The following ADAM12 variants were observed in gnomAD, a reference collection of about 807,000 sequenced individuals.
ADAM12 encodes disintegrin and metalloproteinase domain-containing protein 12.
In ADAM12, 70 loss-of-function variants were observed where a neutral mutation model predicts 106.4. That is an observed-to-expected ratio of 0.66 (90% CI 0.54 to 0.80). The LOEUF (loss-of-function observed/expected upper bound fraction) is 0.80. Among genes scored for constraint, ADAM12 ranks in the 30% least tolerant of loss-of-function variants. The pLI is 0.00. For missense variants in ADAM12, 1,010 were observed against 1,171.9 expected, an observed-to-expected ratio of 0.86 and a Z score of 2.02; for synonymous variants, 420 against 433.5, an observed-to-expected ratio of 0.97 and a Z score of 0.39.
At chr10:126,225,588 A>G (rs563676991) in intron 3 of ADAM12, among the ~76,000 whole-genome samples, 1 of 152,242 alleles carries the variant, frequency 6.6e-6, no homozygotes, top group Non-Finnish European at 1.5e-5. Flanking sequence ...CACACGTGGG[A>G]GTGGAAAGTG....
chr10:126,164,866 C>A (rs1590540398), intron 3 of ADAM12, among the ~76,000 whole-genome samples: 1 of 152,098 alleles, frequency 6.6e-6, no homozygotes, highest in East Asian at 1.9e-4. Context: ...CTCTGTAAAA[C>A]CAGTATACTG....
chr10:126,049,711 A>AT lies in ADAM12; in HGVS notation c.1610-43dup, dbSNP rs11406158. 0.045 allele frequency: 56,139 copies of AT among 1,239,242 alleles called. 1,196 individuals carry two copies. Among genetic ancestry groups the AT allele is most frequent in the African/African-American group, 0.23 (15,487 of 67,368 alleles). The allele number at this position is 1,239,242 out of a possible 1,614,324, so 76.8% of individuals were successfully genotyped here. On this transcript the variant is annotated intron_variant, in intron 14 of 22. Transcript: ENST00000448723. This position sits in a 1 kb window ranked among gnomAD's most constrained non-coding sequence, Gnocchi z 4.4. ...ACTGCATTTTCATCTCCTGCAGGTGATTTTTTTTTTTTCATGGCTGTAGGC... is the reference window on the plus strand; with the variant it reads ...ACTGCATTTTCATCTCCTGCAGGTGATTTTTTTTTTTTTCATGGCTGTAGGC...
chr10:126,107,984 G>C (rs1955805178), intron 8 of ADAM12, among the ~76,000 whole-genome samples: 1 of 152,196 alleles, frequency 6.6e-6, no homozygotes, highest in Non-Finnish European at 1.5e-5. Flanking sequence ...TAGTGAACAA[G>C]TACCCCAGGA....
At chr10:126,249,614 G>A (rs1190577224) in intron 3 of ADAM12, among the ~76,000 whole-genome samples, 1 of 152,200 alleles carries the variant, frequency 6.6e-6, no homozygotes, top group Non-Finnish European at 1.5e-5. Flanking sequence ...TGAGGCAGGA[G>A]AATGGCGTCA....
chr10:126,338,855 C>G (rs990269342), intron 1 of ADAM12, among the ~76,000 whole-genome samples: 1 of 152,148 alleles, frequency 6.6e-6, no homozygotes, highest in Admixed American at 6.5e-5. Flanking sequence ...AGCAAAACAA[C>G]AAGAATGGAA....
rs1289184088 is a variant in ADAM12 at position 126,019,860 on chromosome 10, C to T, written c.2530-35G>A. 1.9e-6 allele frequency: 3 copies of T among 1,578,032 alleles called. No individual in the cohort carries two copies. The African/African-American group carries it at 4.0e-5, about 21-fold the overall frequency. ...ACATAGGGTTAGGCAGGGTCACTTA[C>T]CAGGAGCCAGCAGAGGCCCCTGAGA... On this transcript the variant is annotated intron_variant, in intron 21 of 22. Coordinates refer to ENST00000448723, the MANE Select transcript of ADAM12 (RefSeq NM_001288973.2).
At chr10:126,132,526 C>G (rs964733021) in intron 5 of ADAM12, among the ~76,000 whole-genome samples, 2 of 42,258 alleles carry the variant, frequency 4.7e-5, no homozygotes, top group East Asian at 1.2e-3. Context: ...GCATGAACAC[C>G]CCCCCCCCCT....
intron 14 of ADAM12, among the ~76,000 whole-genome samples, chr10:126,056,532 A>C (rs1467067427): frequency 6.6e-6 from 1 of 152,162 alleles, no homozygotes; most frequent in African/African-American, 2.4e-5. Flanking sequence ...CAGTCCTCTG[A>C]AACTGCTGCT....
chr10:126,208,525 C>T (rs540545892), intron 3 of ADAM12, among the ~76,000 whole-genome samples: 81 of 152,254 alleles, frequency 5.3e-4, no homozygotes, highest in African/African-American at 1.9e-3. Flanking sequence ...GCACACCACA[C>T]ATAGATTTCT....
intron 19 of ADAM12, among the ~76,000 whole-genome samples, chr10:126,038,894 C>T (rs1954105246): frequency 6.7e-6 from 1 of 149,390 alleles, no homozygotes; most frequent in South Asian, 2.1e-4. Context: ...AAAATCTGAC[C>T]TTTGCTAAAA....
intron 3 of ADAM12, among the ~76,000 whole-genome samples, chr10:126,178,933 G>C (rs1270539465): frequency 6.6e-6 from 1 of 152,086 alleles, no homozygotes; most frequent in African/African-American, 2.4e-5. Context: ...TATAACCCCA[G>C]CTACTCGAGA....
At chr10:126,131,500 G>A (rs1157577419) in intron 5 of ADAM12, among the ~76,000 whole-genome samples, 1 of 152,158 alleles carries the variant, frequency 6.6e-6, no homozygotes, top group Non-Finnish European at 1.5e-5. Flanking sequence ...CCCATGTGAT[G>A]GTATCGGGAG....
intron 2 of ADAM12, among the ~76,000 whole-genome samples, chr10:126,294,668 G>A (rs1012110507): frequency 1.3e-5 from 2 of 152,112 alleles, no homozygotes; most frequent in Admixed American, 6.5e-5. Context: ...AGTCAAGACA[G>A]CTAACAGACG....
intron 5 of ADAM12, among the ~76,000 whole-genome samples, chr10:126,126,068 T>C (rs981351551): frequency 3.3e-5 from 5 of 152,312 alleles, no homozygotes; most frequent in African/African-American, 1.2e-4. Context: ...TTCTGTTGTT[T>C]GAAGCCACCT....
At chr10:126,134,448 G>A (rs904457869) in intron 5 of ADAM12, among the ~76,000 whole-genome samples, 4 of 152,170 alleles carry the variant, frequency 2.6e-5, no homozygotes, top group African/African-American at 7.2e-5. Flanking sequence ...GCTGGGAGGG[G>A]AATTCCCAGC....
In ADAM12 at chr10:126,043,411, C is replaced by A. The variant is rs1471787407; in HGVS notation, c.1996-263G>T. Among the ~76,000 whole-genome samples the A allele has an allele frequency of 1.3e-5, 2 of 152,148 alleles. No individual in the cohort carries two copies. The highest frequency in any genetic ancestry group is 6.5e-5 in the Admixed American group (1 of 15,284). ...ATTATTTGGGTTCATCAGCTTGCCT[C>A]CCCCACCCACCTCACTTCCTTCTCC... On this transcript the variant is annotated intron_variant, in intron 17 of 22. Transcript: ENST00000448723. This position sits in a 1 kb window ranked among gnomAD's most constrained non-coding sequence, Gnocchi z 4.1.
chr10:126,163,343 G>C (rs1956969661), intron 3 of ADAM12, among the ~76,000 whole-genome samples: 1 of 152,196 alleles, frequency 6.6e-6, no homozygotes. Flanking sequence ...CTCATTTAGA[G>C]AGGACAAGTA....
chr10:126,040,270 A>G (rs925214570), intron 18 of ADAM12, among the ~76,000 whole-genome samples: 1 of 152,210 alleles, frequency 6.6e-6, no homozygotes, highest in African/African-American at 2.4e-5. Context: ...GTGAATTTTT[A>G]GAGGACAGGG....
intron 6 of ADAM12, among the ~76,000 whole-genome samples, chr10:126,115,849 A>G (rs964288823): frequency 2.6e-5 from 4 of 152,200 alleles, no homozygotes; most frequent in Non-Finnish European, 4.4e-5. Context: ...ACAATCTACT[A>G]TATAATTCCA....
Sources: gnomAD v4.1 joint callset for allele counts (sites outside exome capture counted in the v4.1 genomes callset) on GRCh38, gnomAD v4.1.1 for gene constraint, Gnocchi (gnomAD v3.1) non-coding constraint, MANE v1.5 for transcripts, NCBI Gene and HGNC (gene_info 2026-07-23, HGNC 2026-07-21) for gene names.